BANP: variants seen among roughly 807,000 people sequenced by gnomAD.
BANP encodes BTG3 associated nuclear protein, also known as protein BANP.
In BANP, 11 loss-of-function variants were observed where a neutral mutation model predicts 68.1. That is an observed-to-expected ratio of 0.16 (90% CI 0.10 to 0.27). BANP has a LOEUF of 0.27. Ranked by LOEUF, BANP falls within the 10% of genes least tolerant of loss-of-function variation. The pLI is 1.00. For missense variants in BANP, 504 were observed against 722.7 expected (o/e 0.70, Z 3.47); for synonymous variants, 329 against 303.2 (o/e 1.09, Z -0.88).
chr16:88,067,336 C>A (rs1462766939), intron 12 of BANP, among the ~76,000 whole-genome samples: 1 of 152,134 alleles, frequency 6.6e-6, no homozygotes, highest in African/African-American at 2.4e-5. Flanking sequence ...AGGTGTCTCG[C>A]CCCATGCCCC....
chr16:88,058,118 C>T (rs1281508574), intron 11 of BANP, among the ~76,000 whole-genome samples: 5 of 149,216 alleles, frequency 3.4e-5, no homozygotes, highest in Non-Finnish European at 7.4e-5. Flanking sequence ...AATCTTTCAT[C>T]TAGAGACTGT....
chr16:87,958,399 T>C (rs1243930740), intron 1 of BANP, among the ~76,000 whole-genome samples: 1 of 152,026 alleles, frequency 6.6e-6, no homozygotes, highest in East Asian at 1.9e-4. Context: ...CAGTGATGAG[T>C]GTATGAACTT....
chr16:88,053,597 C>T (rs1253172829), intron 11 of BANP, among the ~76,000 whole-genome samples: 3 of 148,716 alleles, frequency 2.0e-5, no homozygotes, highest in Admixed American at 2.0e-4. Flanking sequence ...ATCACCAACA[C>T]AACCACCCTA....
Position 88,003,856 on chromosome 16 carries a change from C to A in BANP, c.363-439C>A. 3.4e-6 allele frequency: 1 copy of A among 297,044 alleles called. No individual in the cohort carries two copies. The highest frequency in any genetic ancestry group is 6.6e-6 in the Non-Finnish European group (1 of 152,608). The allele number at this position is 297,044 out of a possible 1,614,324, so 18.4% of individuals were successfully genotyped here. A position where few individuals can be genotyped will look rare whatever the true frequency, so the allele number is the denominator to read the frequency against. ...ATACCAACACTTACGTGGTTACGAA[C>A]GTTAGATCTGTCCCATAGGAATGAG... On this transcript the variant is annotated intron_variant, in intron 4 of 13. Coordinates refer to ENST00000682872, the MANE Select transcript of BANP (RefSeq NM_001386991.1). This position sits in a 1 kb window ranked among gnomAD's most constrained non-coding sequence, Gnocchi z 6.1.
chr16:88,030,709 T>C (rs1204172297), intron 8 of BANP, among the ~76,000 whole-genome samples: 1 of 152,202 alleles, frequency 6.6e-6, no homozygotes, highest in African/African-American at 2.4e-5. Flanking sequence ...GCCGAGTGTT[T>C]TGCTGGCTGC....
At chr16:87,950,636 A>C (rs967803576), upstream of BANP, 2 of 152,150 alleles carry the variant, frequency 1.3e-5, no homozygotes, top group Non-Finnish European at 2.9e-5. Context: ...GGGTTTCGCC[A>C]TGTTGGCCAG....
At chr16:88,008,674 A>T (rs1229677257) in intron 6 of BANP, among the ~76,000 whole-genome samples, 1 of 152,158 alleles carries the variant, frequency 6.6e-6, no homozygotes, top group African/African-American at 2.4e-5. Flanking sequence ...TTTGTGTCTG[A>T]GTTTAAGTTT....
chr16:87,980,350 G>C (rs544006272), intron 2 of BANP, among the ~76,000 whole-genome samples: 1 of 152,334 alleles, frequency 6.6e-6, no homozygotes, highest in African/African-American at 2.4e-5. Context: ...CTTTGATTTT[G>C]AGGTTATCTT....
chr16:87,957,792 G>A lies in BANP; in HGVS notation c.-69+6277G>A, dbSNP rs1050567520. Among the ~76,000 whole-genome samples, 3 of 152,238 alleles carry A rather than the reference G, an allele frequency of 2.0e-5. No homozygotes were observed. Among genetic ancestry groups the A allele is most frequent in the African/African-American group, 7.2e-5 (3 of 41,468 alleles). On this transcript the variant is annotated intron_variant, in intron 1 of 13. Coordinates refer to ENST00000682872, the MANE Select transcript of BANP (RefSeq NM_001386991.1). The surrounding 1 kb of genome is among the most constrained non-coding windows in gnomAD (Gnocchi z 4.3). ...AGAACGCCTTCACCTTTCACCAGATGACGCGGGGGGAATTGGGCCACGGTC... is the reference window on the plus strand; with the variant it reads ...AGAACGCCTTCACCTTTCACCAGATAACGCGGGGGGAATTGGGCCACGGTC...
chr16:88,016,317 G>A (rs1195524428), intron 6 of BANP, among the ~76,000 whole-genome samples: 2 of 152,196 alleles, frequency 1.3e-5, no homozygotes, highest in Non-Finnish European at 2.9e-5. Context: ...CCACATCTTG[G>A]GTTTCCCCTG....
chr16:88,014,159 G>A (rs1427589540), intron 6 of BANP, among the ~76,000 whole-genome samples: 4 of 152,202 alleles, frequency 2.6e-5, no homozygotes, highest in African/African-American at 9.6e-5. Context: ...AGGCCTGGAC[G>A]AGGCCACTGG....
At chr16:88,075,552 C>T (rs2091418091) in intron 13 of BANP, among the ~76,000 whole-genome samples, 1 of 152,042 alleles carries the variant, frequency 6.6e-6, no homozygotes, top group African/African-American at 2.4e-5. Context: ...GTTGCCAGGC[C>T]TCTTCCTCCC....
rs112030482 is a variant in BANP, at chr16:88,015,825, C to T, written c.656-2603C>T. Reference sequence around the variant, plus strand: ...TGCTCCTTTACCCGGGGCTCTGTACCGGTGCTGCCAGGAGGCCTGGCTGGC... The same window carrying T: ...TGCTCCTTTACCCGGGGCTCTGTACTGGTGCTGCCAGGAGGCCTGGCTGGC... On this transcript the variant is annotated intron_variant, in intron 6 of 13. Coordinates refer to ENST00000682872, the MANE Select transcript of BANP (RefSeq NM_001386991.1). Among the ~76,000 whole-genome samples the T allele has an allele frequency of 3.3e-4, 50 of 152,388 alleles. 1 individual carries two copies. The highest frequency in any genetic ancestry group is 1.2e-3 in the African/African-American group (48 of 41,596).
chr16:88,022,813 C>A (rs1204357069), intron 7 of BANP, among the ~76,000 whole-genome samples: 1 of 152,198 alleles, frequency 6.6e-6, no homozygotes, highest in African/African-American at 2.4e-5. Flanking sequence ...GCTGTCTTCC[C>A]CCCATGTCTC....
At chr16:88,029,176 G>T (rs1260463570) in intron 8 of BANP, among the ~76,000 whole-genome samples, 2 of 151,784 alleles carry the variant, frequency 1.3e-5, no homozygotes, top group East Asian at 1.9e-4. Context: ...GTGTGGTGGC[G>T]CATGCCTCTA....
Position 88,002,662 on chromosome 16 carries a change from G to T in BANP, c.363-1633G>T, listed in dbSNP as rs767494285. On this transcript the variant is annotated intron_variant, in intron 4 of 13. Coordinates refer to ENST00000682872, the MANE Select transcript of BANP (RefSeq NM_001386991.1). The surrounding 1 kb of genome is among the most constrained non-coding windows in gnomAD (Gnocchi z 4.6). ...GGCACCCGAGGGGCACATTATTCCA[G>T]TTGGGAGCTGGTTGTCTTAGAATAT... Among the ~76,000 whole-genome samples the T allele has an allele frequency of 6.6e-5, 10 of 152,154 alleles. No homozygotes were observed. The highest frequency in any genetic ancestry group is 1.9e-4 in the East Asian group (1 of 5,200).
intron 4 of BANP, among the ~76,000 whole-genome samples, chr16:87,988,445 A>T (rs866860644): frequency 6.7e-4 from 101 of 149,894 alleles, no homozygotes; most frequent in Middle Eastern, 3.4e-3. Flanking sequence ...TTTTTTTTTT[A>T]AATTAGAGAT....
intron 7 of BANP, among the ~76,000 whole-genome samples, chr16:88,022,250 G>C (rs932518302): frequency 3.3e-5 from 5 of 152,162 alleles, no homozygotes; most frequent in African/African-American, 1.2e-4. Flanking sequence ...TCACGCCTCT[G>C]CTTGGACTCT....
intron 1 of BANP, among the ~76,000 whole-genome samples, chr16:87,965,438 G>C (rs1014517359): frequency 1.2e-4 from 18 of 152,024 alleles, no homozygotes; most frequent in African/African-American, 4.4e-4. Context: ...GTGGGGGAAG[G>C]GTGTGCAAGG....
Sources: gnomAD v4.1 joint callset for allele counts (sites outside exome capture counted in the v4.1 genomes callset) on GRCh38, gnomAD v4.1.1 for gene constraint, Gnocchi (gnomAD v3.1) non-coding constraint, MANE v1.5 for transcripts, NCBI Gene and HGNC (gene_info 2026-07-23, HGNC 2026-07-21) for gene names.